PTPRG: variants seen among roughly 807,000 people sequenced by gnomAD.
PTPRG encodes receptor-type tyrosine-protein phosphatase gamma.
Under a neutral mutation model 165.3 loss-of-function variants are expected in PTPRG, and 102 were observed. The observed-to-expected ratio is 0.62, with a 90% CI of 0.53 to 0.73. The LOEUF (loss-of-function observed/expected upper bound fraction) is 0.73. PTPRG is among the 30% of genes least tolerant of loss of function. PTPRG has a pLI of 0.00. For missense variants in PTPRG, 1,866 were observed against 1,861.4 expected (o/e 1.00, Z -0.05); for synonymous variants, 675 against 669.5 (o/e 1.01, Z -0.13).
chr3:61,680,857 G>T (rs1703417730), intron 1 of PTPRG, among the ~76,000 whole-genome samples: 1 of 123,212 alleles, frequency 8.1e-6, no homozygotes, highest in Non-Finnish European at 1.9e-5. Flanking sequence ...GCTGGGTGTT[G>T]GGAACCTGTA....
intron 17 of PTPRG, among the ~76,000 whole-genome samples, chr3:62,266,105 T>G (rs1701866229): frequency 6.6e-6 from 1 of 152,214 alleles, no homozygotes; most frequent in South Asian, 2.1e-4. Context: ...AATTGCACTT[T>G]CACAACTTCA....
Position 62,203,034 on chromosome 3 carries a change from T to C in PTPRG, c.1378-139T>C, listed in dbSNP as rs560224711. 18 of 1,404,094 alleles carry C rather than the reference T, an allele frequency of 1.3e-5. No homozygotes were observed. The South Asian group carries it at 1.3e-4, about 10-fold the overall frequency. 87.0% of individuals were successfully genotyped at this position (1,404,094 alleles called of 1,614,324 possible). On this transcript the variant is annotated intron_variant, in intron 11 of 29. Transcript: ENST00000474889. The surrounding 1 kb of genome is among the most constrained non-coding windows in gnomAD (Gnocchi z 6.4). Reference sequence around the variant, plus strand: ...CCTAATGTCAACTTTATGCCATACATTGGAAAACTCCATAGCATAGATGAG... The same window carrying C: ...CCTAATGTCAACTTTATGCCATACACTGGAAAACTCCATAGCATAGATGAG...
chr3:62,113,839 T>A (rs1412102201), intron 5 of PTPRG, among the ~76,000 whole-genome samples: 1 of 152,238 alleles, frequency 6.6e-6, no homozygotes, highest in Non-Finnish European at 1.5e-5. Context: ...TTTAACTACT[T>A]CATAGTTGAC....
At chr3:61,565,921 G>C (rs541333164) in intron 1 of PTPRG, among the ~76,000 whole-genome samples, 1 of 152,142 alleles carries the variant, frequency 6.6e-6, no homozygotes, top group East Asian at 1.9e-4. Context: ...TCTCTTTACA[G>C]GGTGTGAGAT....
At chr3:61,799,366 T>C (rs1000464893) in intron 2 of PTPRG, among the ~76,000 whole-genome samples, 1 of 152,210 alleles carries the variant, frequency 6.6e-6, no homozygotes, top group African/African-American at 2.4e-5. Context: ...ACCAGAAACC[T>C]TGGCTATTCA....
At chr3:62,107,199 C>T (rs1253916642) in intron 5 of PTPRG, among the ~76,000 whole-genome samples, 1 of 152,212 alleles carries the variant, frequency 6.6e-6, no homozygotes, top group Non-Finnish European at 1.5e-5. Flanking sequence ...AATCTTGTCA[C>T]TAGAATCAGA....
At chr3:61,734,376 T>A (rs1406601421) in intron 1 of PTPRG, among the ~76,000 whole-genome samples, 3 of 152,224 alleles carry the variant, frequency 2.0e-5, no homozygotes, top group Non-Finnish European at 4.4e-5. Context: ...TTCCAGTTGC[T>A]CCTAATACCA....
chr3:61,659,373 C>A, intron 1 of PTPRG: 1 of 984,782 alleles, frequency 1.0e-6, no homozygotes, highest in Non-Finnish European at 1.2e-6. Context: ...TGACTGACTG[C>A]ATTCTGCTTC....
intron 4 of PTPRG, among the ~76,000 whole-genome samples, chr3:62,071,266 C>T (rs1036447392): frequency 2.6e-5 from 4 of 152,184 alleles, no homozygotes; most frequent in South Asian, 2.1e-4. Context: ...TGGGAGAAAT[C>T]GCTTTTTGAG....
At chr3:61,902,643 A>G (rs764395222) in intron 2 of PTPRG, among the ~76,000 whole-genome samples, 2 of 152,216 alleles carry the variant, frequency 1.3e-5, no homozygotes, top group Non-Finnish European at 2.9e-5. Flanking sequence ...TAAGGACCAC[A>G]TTAGATAGTA....
intron 2 of PTPRG, among the ~76,000 whole-genome samples, chr3:61,815,425 TAAAAG>T (rs948365723): frequency 3.3e-5 from 5 of 151,962 alleles, no homozygotes; most frequent in African/African-American, 9.7e-5. Context: ...AAAATAAAAA[TAAAAG>T]AAATCTTATT....
chr3:61,667,123 C>T (rs1702831268), intron 1 of PTPRG, among the ~76,000 whole-genome samples: 1 of 152,104 alleles, frequency 6.6e-6, no homozygotes, highest in Admixed American at 6.5e-5. Flanking sequence ...GAAACAAGAG[C>T]GGAAATGGTC....
chr3:62,040,738 A>T (rs1464749560), intron 4 of PTPRG, among the ~76,000 whole-genome samples: 1 of 152,176 alleles, frequency 6.6e-6, no homozygotes, highest in African/African-American at 2.4e-5. Context: ...CACCGTGCCC[A>T]GCCGAGTCCA....
intron 5 of PTPRG, among the ~76,000 whole-genome samples, chr3:62,108,840 CTT>C (rs1702566069): frequency 6.6e-6 from 1 of 152,116 alleles, no homozygotes; most frequent in South Asian, 2.1e-4. Context: ...GCTTAAATGT[CTT>C]TTGAGAAGTG....
chr3:61,952,778 A>G (rs1030992652), intron 2 of PTPRG, among the ~76,000 whole-genome samples: 10 of 141,014 alleles, frequency 7.1e-5, no homozygotes, highest in African/African-American at 1.3e-4. Flanking sequence ...TCTACAATTA[A>G]TCATCAGCCA....
intron 1 of PTPRG, among the ~76,000 whole-genome samples, chr3:61,708,554 A>G (rs984574508): frequency 7.3e-6 from 1 of 137,928 alleles, no homozygotes. Flanking sequence ...CCCTGGGTTC[A>G]TGCCATTCTT....
intron 2 of PTPRG, among the ~76,000 whole-genome samples, chr3:61,794,563 T>C (rs1272929487): frequency 1.3e-5 from 2 of 152,148 alleles, no homozygotes; most frequent in South Asian, 2.1e-4. Flanking sequence ...GTAAAGAAAA[T>C]TGAAATATAA....
intron 23 of PTPRG, among the ~76,000 whole-genome samples, chr3:62,275,063 A>G (rs1702188680): frequency 6.6e-6 from 1 of 152,198 alleles, no homozygotes; most frequent in Non-Finnish European, 1.5e-5. Flanking sequence ...GAGTTTTACT[A>G]AAGCATCTGG....
At chr3:62,086,130 G>A (rs945612418) in intron 5 of PTPRG, among the ~76,000 whole-genome samples, 4 of 152,030 alleles carry the variant, frequency 2.6e-5, no homozygotes, top group African/African-American at 9.7e-5. Context: ...TTCTGTTCTG[G>A]TATAAAGCAG....
Sources: allele counts gnomAD v4.1 joint callset (sites outside exome capture counted in the v4.1 genomes callset), GRCh38; gene constraint gnomAD v4.1.1; non-coding constraint Gnocchi (gnomAD v3.1); transcripts MANE v1.5; gene names NCBI Gene and HGNC (gene_info 2026-07-23, HGNC 2026-07-21).